Variants in HMCN1 observed in about 807,000 individuals in gnomAD.
The protein encoded by HMCN1 is hemicentin-1.
Under a neutral mutation model 625.9 loss-of-function variants are expected in HMCN1, and 321 were observed. The ratio of observed to expected loss-of-function variants is 0.51; its 90% confidence interval spans 0.47 to 0.56. HMCN1 has a LOEUF of 0.56. Ranked by LOEUF, HMCN1 falls within the 20% of genes least tolerant of loss-of-function variation. The pLI is 0.00. For missense variants in HMCN1, 6,588 were observed against 6,887.3 expected (o/e 0.96, Z 1.54); for synonymous variants, 2,425 against 2,417.6 (o/e 1.00, Z -0.09).
intron 62 of HMCN1, 66 bp from the exon 63 acceptor site, chr1:186,088,540 G>A: frequency 6.5e-7 from 1 of 1,543,772 alleles, no homozygotes; most frequent in African/African-American, 1.4e-5. Flanking sequence ...ATTTTATCAT[G>A]AATTTTAGAG....
rs1659926961 is a variant in HMCN1, at chr1:185,817,684, A to C, written c.269-28342A>C. On this transcript the variant is annotated intron_variant, in intron 1 of 106. Coordinates refer to ENST00000271588, the MANE Select transcript of HMCN1 (RefSeq NM_031935.3). ...GTTGATTTGATTGTTTTTAGCATTA[A>C]ATTTACCAAAGCCTATGAAATATCT... Among the ~76,000 whole-genome samples, 3 of 152,294 alleles carry C rather than the reference A, an allele frequency of 2.0e-5. No homozygotes were observed. In the South Asian group the frequency reaches 6.2e-4, roughly 32 times the overall value.
chr1:185,858,401 A>C (rs1662607459), intron 2 of HMCN1, among the ~76,000 whole-genome samples: 1 of 151,692 alleles, frequency 6.6e-6, no homozygotes, highest in Non-Finnish European at 1.5e-5. Context: ...AAACTGCGGC[A>C]GACGTTTAAA....
intron 1 of HMCN1, among the ~76,000 whole-genome samples, chr1:185,814,104 G>A (rs191850161): frequency 6.6e-6 from 1 of 152,106 alleles, no homozygotes; most frequent in Non-Finnish European, 1.5e-5. Context: ...TTTAGATATG[G>A]ATAGTCAAAT....
At chr1:186,181,023 A>G (rs1652895932) in intron 104 of HMCN1, among the ~76,000 whole-genome samples, 1 of 152,234 alleles carries the variant, frequency 6.6e-6, no homozygotes, top group Admixed American at 6.5e-5. Context: ...ATTCTAAAGC[A>G]TAACAGGAAA....
At chr1:185,749,499 TC>T (rs1654648720) in intron 1 of HMCN1, among the ~76,000 whole-genome samples, 1 of 152,144 alleles carries the variant, frequency 6.6e-6, no homozygotes, top group Admixed American at 6.5e-5. Context: ...CATCAACCCG[TC>T]CCCACCCTAC....
chr1:186,126,641 A>T (rs1466608404), intron 82 of HMCN1, among the ~76,000 whole-genome samples: 1 of 152,158 alleles, frequency 6.6e-6, no homozygotes, highest in African/African-American at 2.4e-5. Context: ...AAAAACAAAA[A>T]TAGGTAGAGC....
At chr1:185,826,180 T>C (rs1571408600) in intron 1 of HMCN1, among the ~76,000 whole-genome samples, 1 of 152,332 alleles carries the variant, frequency 6.6e-6, no homozygotes, top group East Asian at 1.9e-4. Context: ...TCCAATTCAA[T>C]TCCTGAATGT....
chr1:186,108,088 A>G (rs1484889122), intron 70 of HMCN1, among the ~76,000 whole-genome samples: 3 of 149,386 alleles, frequency 2.0e-5, no homozygotes, highest in Admixed American at 6.7e-5. Context: ...TCTGTATATT[A>G]TGATGGGCAC....
intron 42 of HMCN1, 133 bp from the exon 43 acceptor site, chr1:186,052,819 G>A: frequency 5.3e-6 from 4 of 752,658 alleles, no homozygotes; most frequent in Non-Finnish European, 9.2e-6. Flanking sequence ...CTTTTAATTT[G>A]ATGTTGATGT....
At chr1:186,181,340 T>G (rs921242880) in intron 104 of HMCN1, among the ~76,000 whole-genome samples, 1 of 152,202 alleles carries the variant, frequency 6.6e-6, no homozygotes, top group African/African-American at 2.4e-5. Flanking sequence ...TACTTTATCC[T>G]TAAAGCAAAT....
chr1:186,156,184 G>A (rs1056901127), intron 97 of HMCN1, among the ~76,000 whole-genome samples: 1 of 151,692 alleles, frequency 6.6e-6, no homozygotes, highest in Non-Finnish European at 1.5e-5. Context: ...AATTATGCAG[G>A]AATATATAAA....
At chr1:185,974,092 C>A (rs1344706808) in intron 15 of HMCN1, among the ~76,000 whole-genome samples, 3 of 152,148 alleles carry the variant, frequency 2.0e-5, no homozygotes, top group Non-Finnish European at 4.4e-5. Context: ...ACAGCCATAT[C>A]TATATGTAAG....
intron 26 of HMCN1, 53 bp from the exon 27 acceptor site, chr1:186,001,245 A>T: frequency 6.6e-7 from 1 of 1,518,978 alleles, no homozygotes; most frequent in Non-Finnish European, 9.1e-7. Context: ...AAGAAACTCT[A>T]TAAATAATAT....
At position 186,165,174 on chromosome 1, in the gene HMCN1, G is replaced by C; in HGVS notation, c.15319+1G>C. 6.2e-6 allele frequency: 10 copies of C among 1,612,016 alleles called. No homozygotes were observed. The highest frequency in any genetic ancestry group is 8.5e-6 in the Non-Finnish European group (10 of 1,178,122). On this transcript the variant is annotated splice_donor_variant, in intron 98 of 106. Transcript: ENST00000271588. LOFTEE classifies it high-confidence loss of function. ...GACTCAGTTGGACCTTTTTGTGCTG[G>C]TAAGTACAGAGATAAATAAAGGGTT... is the stretch of plus-strand genomic sequence containing the variant.
At chr1:186,112,652 C>G (rs1374597095) in intron 71 of HMCN1, among the ~76,000 whole-genome samples, 160 bp from the exon 72 acceptor site, 1 of 152,190 alleles carries the variant, frequency 6.6e-6, no homozygotes, top group Non-Finnish European at 1.5e-5. Context: ...AAACAGTTCC[C>G]AGGGATTTTT....
intron 70 of HMCN1, 149 bp from the exon 71 acceptor site, chr1:186,108,312 C>T: frequency 8.0e-7 from 1 of 1,251,436 alleles, no homozygotes; most frequent in Non-Finnish European, 1.1e-6. Flanking sequence ...AAAAAAAACA[C>T]TTCCCACTGT....
chr1:185,931,385 G>A (rs1391630977), intron 10 of HMCN1, among the ~76,000 whole-genome samples: 10 of 152,098 alleles, frequency 6.6e-5, no homozygotes, highest in South Asian at 4.2e-4. Flanking sequence ...TAATTCTCCC[G>A]CATCACTCCC....
intron 36 of HMCN1, among the ~76,000 whole-genome samples, chr1:186,024,588 A>C (rs1449611131): frequency 6.6e-6 from 1 of 152,142 alleles, no homozygotes; most frequent in Non-Finnish European, 1.5e-5. Flanking sequence ...CTTTGGTTTA[A>C]ATTCTATGCT....
At chr1:186,135,466 T>C (rs1389012523) in intron 86 of HMCN1, among the ~76,000 whole-genome samples, 4 of 152,198 alleles carry the variant, frequency 2.6e-5, no homozygotes, top group African/African-American at 9.7e-5. Flanking sequence ...GACTCACACA[T>C]ATATATTTCT....
Sources: gnomAD v4.1 joint callset for allele counts (sites outside exome capture counted in the v4.1 genomes callset) on GRCh38, gnomAD v4.1.1 for gene constraint, MANE v1.5 for transcripts, NCBI Gene and HGNC (gene_info 2026-07-23, HGNC 2026-07-21) for gene names.